The following CD6 variants were observed in gnomAD, a reference collection of about 807,000 sequenced individuals.
CD6 encodes CD6 molecule, also known as T-cell differentiation antigen CD6.
Under a neutral mutation model 75.3 loss-of-function variants are expected in CD6, and 53 were observed. The ratio of observed to expected loss-of-function variants is 0.70; its 90% confidence interval spans 0.56 to 0.88. CD6 has a LOEUF of 0.88. CD6 is among the 40% of genes least tolerant of loss of function. CD6 has a pLI of 0.00. For synonymous variants in CD6, 359 were observed against 381.5 expected, an observed-to-expected ratio of 0.94 and a Z score of 0.69; for missense variants, 770 against 897.1, an observed-to-expected ratio of 0.86 and a Z score of 1.81.
At chr11:60,989,961 C>T (rs1401881078) in intron 1 of CD6, among the ~76,000 whole-genome samples, 2 of 152,040 alleles carry the variant, frequency 1.3e-5, no homozygotes, top group Admixed American at 6.6e-5. Flanking sequence ...TGATATGACT[C>T]GGACAATTTA....
intron 1 of CD6, among the ~76,000 whole-genome samples, chr11:60,995,773 C>T (rs1332531705): frequency 6.6e-6 from 1 of 152,104 alleles, no homozygotes; most frequent in South Asian, 2.1e-4. Flanking sequence ...CACCCAGGAC[C>T]CCCTGCCCCG....
intron 1 of CD6, chr11:60,987,761 A>G (rs1857884395): frequency 6.6e-6 from 1 of 150,432 alleles, no homozygotes; most frequent in Admixed American, 6.7e-5. Flanking sequence ...CTCATCCTCT[A>G]AAACCCTTCC....
intron 6 of CD6, among the ~76,000 whole-genome samples, chr11:61,012,153 C>T (rs1402817333): frequency 6.6e-6 from 1 of 152,188 alleles, no homozygotes; most frequent in Non-Finnish European, 1.5e-5. Flanking sequence ...CCATAGATGA[C>T]AGCACAGAGA....
intron 1 of CD6, among the ~76,000 whole-genome samples, chr11:60,990,147 C>A (rs1423275567): frequency 6.6e-6 from 1 of 152,148 alleles, no homozygotes; most frequent in Non-Finnish European, 1.5e-5. Flanking sequence ...TTACTAGCCT[C>A]TTGTAGAATC....
At position 61,007,303 on chromosome 11, in the gene CD6, T is replaced by C. The variant is rs568608336; in HGVS notation, c.119-257T>C. Among the ~76,000 whole-genome samples, 2 of 152,214 alleles carry C rather than the reference T, an allele frequency of 1.3e-5. No individual in the cohort carries two copies. Among genetic ancestry groups the C allele is most frequent in the South Asian group, 2.1e-4 (1 of 4,816 alleles). The stretch of plus-strand genomic sequence containing the variant: ...GAGGGTTTCTAGGGGGCTGGACCCC[T>C]AGTTGTCTGTCACCCATCTTAACCT... On this transcript the variant is annotated intron_variant, in intron 2 of 12. Coordinates refer to ENST00000313421, the MANE Select transcript of CD6 (RefSeq NM_006725.5). The surrounding 1 kb of genome is among the most constrained non-coding windows in gnomAD (Gnocchi z 4.2).
chr11:60,986,607 G>A (rs1029378431), intron 1 of CD6, among the ~76,000 whole-genome samples: 2 of 152,326 alleles, frequency 1.3e-5, no homozygotes, highest in Admixed American at 6.5e-5. Context: ...TCAGTTCCGA[G>A]AAACACTTGT....
intron 1 of CD6, among the ~76,000 whole-genome samples, chr11:60,974,260 C>T (rs761760140): frequency 6.6e-6 from 1 of 152,150 alleles, no homozygotes; most frequent in African/African-American, 2.4e-5. Context: ...GAATCCTGCC[C>T]TCCTTTGCCC....
intron 1 of CD6, among the ~76,000 whole-genome samples, chr11:60,998,819 C>T (rs538544825): frequency 1.7e-5 from 2 of 118,860 alleles, no homozygotes; most frequent in African/African-American, 6.5e-5. Context: ...TGATATAGAA[C>T]ATTTGAAAAA....
intron 4 of CD6, 90 bp downstream of exon 4, chr11:61,008,935 TG>T (rs2135171040): frequency 8.7e-7 from 1 of 1,147,676 alleles, no homozygotes; most frequent in Non-Finnish European, 1.2e-6. Context: ...GCCGGAGAGG[TG>T]GTCCCTGCCC....
In CD6 at chr11:61,008,692, G is replaced by A. The variant is rs762818059; in HGVS notation, c.628G>A (p.Ala210Thr). 1 of 1,607,522 alleles carries A rather than the reference G, an allele frequency of 6.2e-7. No homozygotes were observed. Among genetic ancestry groups the A allele is most frequent in the African/African-American group, 1.3e-5 (1 of 74,882 alleles). Residue 210 changes from alanine (A) to threonine (T), a missense_variant, in exon 4 of 13, where the codon GCC (alanine) becomes ACC (threonine). Physicochemically the swap from Ala to Thr is moderately conservative, Grantham distance 58. Transcript: ENST00000313421. ...ACTGGGCTGCGGCTGGGCAGTCCAG[G>A]CCCTGCCCGGCTTGCACTTCACGCC... ...RQLGCGWAVQALPGLHFTPGR... is the reference protein window; with the variant it reads ...RQLGCGWAVQTLPGLHFTPGR...
In CD6 at chr11:61,017,844, T is replaced by C. The variant is rs538565330; in HGVS notation, c.1668T>C (p.Tyr556=). 1.8e-5 allele frequency: 29 copies of C among 1,613,946 alleles called. No homozygotes were observed. Among genetic ancestry groups the C allele is most frequent in the Non-Finnish European group, 2.3e-5 (27 of 1,180,004 alleles). ...ACCCGCCATCCCTGGGCCCTCAGTATCACCCGAGGAGCAACAGTGAGTCGA... is the reference window on the plus strand; with the variant it reads ...ACCCGCCATCCCTGGGCCCTCAGTACCACCCGAGGAGCAACAGTGAGTCGA... The part of the protein sequence containing the change: ...ITDPPSLGPQ[Y]HPRSNSESST... Residue 556 remains tyrosine, a synonymous_variant, in exon 11 of 13, where the codon TAT becomes TAC. Coordinates refer to ENST00000313421, the MANE Select transcript of CD6 (RefSeq NM_006725.5).
At chr11:61,011,790 C>A (rs1222381431) in intron 6 of CD6, among the ~76,000 whole-genome samples, 1 of 152,230 alleles carries the variant, frequency 6.6e-6, no homozygotes, top group Non-Finnish European at 1.5e-5. Context: ...GGACTCAACT[C>A]CCAGCTGTGC....
chr11:60,985,594 A>G (rs1857781700), intron 1 of CD6, among the ~76,000 whole-genome samples: 2 of 152,196 alleles, frequency 1.3e-5, no homozygotes, highest in African/African-American at 4.8e-5. Context: ...ATAAACAAAG[A>G]AAACACTGAA....
intron 1 of CD6, among the ~76,000 whole-genome samples, chr11:60,988,884 G>A (rs12288280): frequency 2.0e-5 from 3 of 152,076 alleles, no homozygotes; most frequent in Non-Finnish European, 4.4e-5. Flanking sequence ...CTGGAAAATC[G>A]CTGAGAGCTC....
chr11:60,990,554 T>A (rs1858018968), intron 1 of CD6, among the ~76,000 whole-genome samples: 2 of 152,268 alleles, frequency 1.3e-5, no homozygotes, highest in South Asian at 4.1e-4. Flanking sequence ...CAATGCGTCC[T>A]CACCACCCAG....
intron 1 of CD6, among the ~76,000 whole-genome samples, chr11:60,992,828 CAAAAATAAAA>C (rs1858123625): frequency 6.7e-6 from 1 of 148,202 alleles, no homozygotes; most frequent in Non-Finnish European, 1.5e-5. Flanking sequence ...ACTCCGTCTC[CAAAAATAAAA>C]AAAAATAAAA....
intron 1 of CD6, among the ~76,000 whole-genome samples, chr11:60,989,834 G>A (rs1857991083): frequency 6.6e-6 from 1 of 152,126 alleles, no homozygotes; most frequent in Non-Finnish European, 1.5e-5. Flanking sequence ...CTGCACGATA[G>A]TGATAATAAC....
intron 1 of CD6, among the ~76,000 whole-genome samples, chr11:61,003,711 G>A (rs891775506): frequency 6.6e-6 from 1 of 152,210 alleles, no homozygotes; most frequent in Non-Finnish European, 1.5e-5. Context: ...TCCAGCCTGG[G>A]CGACAGAGCG....
intron 8 of CD6, among the ~76,000 whole-genome samples, chr11:61,014,756 GTTCA>G (rs955719074): frequency 6.1e-4 from 92 of 151,640 alleles, no homozygotes; most frequent in Non-Finnish European, 6.3e-4. Context: ...AAAAGAAAAG[GTTCA>G]GTCATTCATC....
Sources: allele counts gnomAD v4.1 joint callset (sites outside exome capture counted in the v4.1 genomes callset), GRCh38; gene constraint gnomAD v4.1.1; non-coding constraint Gnocchi (gnomAD v3.1); transcripts MANE v1.5; gene names NCBI Gene and HGNC (gene_info 2026-07-23, HGNC 2026-07-21).